The following NCKAP5 variants were observed in gnomAD, a reference collection of about 807,000 sequenced individuals.
The protein encoded by NCKAP5 is NCK associated protein 5, also known as nck-associated protein 5.
A neutral mutation model predicts 167.0 loss-of-function variants in NCKAP5; 92 were observed. That is an observed-to-expected ratio of 0.55 (90% CI 0.47 to 0.66). NCKAP5 has a LOEUF of 0.66. NCKAP5 is among the 30% of genes least tolerant of loss of function. NCKAP5 has a pLI of 0.00. For synonymous variants in NCKAP5, 891 were observed against 877.4 expected, an observed-to-expected ratio of 1.02 and a Z score of -0.27; for missense variants, 2,378 against 2,315.0, an observed-to-expected ratio of 1.03 and a Z score of -0.56.
At position 133,370,698 on chromosome 2, in the gene NCKAP5, A is replaced by G. The variant is rs1685746856; in HGVS notation, c.70-67588T>C. On this transcript the variant is annotated intron_variant, in intron 3 of 19. Coordinates refer to ENST00000409261, the MANE Select transcript of NCKAP5 (RefSeq NM_207363.3). ...GAAGTCAATTTAAAAAGTTTGGCTA[A>G]CGTATTTTTTTTTTTTTTGCATTTT... 5.3e-5 allele frequency among the ~76,000 whole-genome samples: 8 copies of G among 149,986 alleles called. No homozygotes were observed. The South Asian group carries it at 1.7e-3, about 31-fold the overall frequency.
chr2:133,087,151 C>T (rs2081021068), intron 6 of NCKAP5, among the ~76,000 whole-genome samples: 1 of 152,108 alleles, frequency 6.6e-6, no homozygotes, highest in Non-Finnish European at 1.5e-5. Flanking sequence ...TACCAAGTTC[C>T]ATTTGGTTTT....
chr2:133,299,016 T>G (rs1277977151), intron 4 of NCKAP5, among the ~76,000 whole-genome samples: 2 of 151,672 alleles, frequency 1.3e-5, no homozygotes, highest in Admixed American at 1.3e-4. Context: ...ACCCTAGAAC[T>G]TAAAGTATAA....
At chr2:133,327,184 G>C (rs1682512875) in intron 3 of NCKAP5, among the ~76,000 whole-genome samples, 1 of 152,194 alleles carries the variant, frequency 6.6e-6, no homozygotes, top group Non-Finnish European at 1.5e-5. Context: ...ATCTAATTTA[G>C]AGTTCTAGGC....
Position 133,115,775 on chromosome 2 carries a change from G to GTGTATA in NCKAP5, c.341+14202_341+14203insTATACA, listed in dbSNP as rs1296649163. Among the ~76,000 whole-genome samples the GTGTATA allele has an allele frequency of 4.2e-4, 40 of 94,296 alleles. 1 individual carries two copies. The highest frequency in any genetic ancestry group is 2.0e-3 in the East Asian group (7 of 3,452). 61.9% of individuals were successfully genotyped at this position (94,296 alleles called of 152,430 possible). The stretch of plus-strand genomic sequence containing the variant: ...TAAATTGAAGTATATATGTGTGTGT[G>GTGTATA]TATATATATATATATATATATATAT... On this transcript the variant is annotated intron_variant, in intron 6 of 19. Coordinates refer to ENST00000409261, the MANE Select transcript of NCKAP5 (RefSeq NM_207363.3).
At position 133,095,716 on chromosome 2, in the gene NCKAP5, C is replaced by T. The variant is rs567629021; in HGVS notation, c.341+34262G>A. 2.4e-4 allele frequency among the ~76,000 whole-genome samples: 36 copies of T among 152,288 alleles called. No individual in the cohort carries two copies. The Middle Eastern group carries it at 0.014, about 58-fold the overall frequency. On this transcript the variant is annotated intron_variant, in intron 6 of 19. Coordinates refer to ENST00000409261, the MANE Select transcript of NCKAP5 (RefSeq NM_207363.3). ...ATTTTGAGATGGTTAGTATAACTCTCTATGTGCTCAATAGAGACATAATAG... is the reference window on the plus strand; with the variant it reads ...ATTTTGAGATGGTTAGTATAACTCTTTATGTGCTCAATAGAGACATAATAG...
chr2:133,667,545 G>T, the NCKAP5 span, among the ~76,000 whole-genome samples: 1 of 151,912 alleles, frequency 6.6e-6, no homozygotes, highest in African/African-American at 2.4e-5. Flanking sequence ...TAAAGCCCTT[G>T]CTGACTTTCT....
chr2:132,904,753 T>A (rs986487370), intron 8 of NCKAP5, among the ~76,000 whole-genome samples: 2 of 152,208 alleles, frequency 1.3e-5, no homozygotes, highest in African/African-American at 4.8e-5. Flanking sequence ...AGGCTAAAAT[T>A]TTCCCTTGTG....
chr2:133,572,947 C>G (rs1688919979), upstream of NCKAP5, among the ~76,000 whole-genome samples: 1 of 152,176 alleles, frequency 6.6e-6, no homozygotes, highest in South Asian at 2.1e-4. Flanking sequence ...TACAATCAGA[C>G]ATTGATAAAG....
chr2:133,003,203 G>A (rs1262102199), intron 6 of NCKAP5, among the ~76,000 whole-genome samples: 5 of 152,116 alleles, frequency 3.3e-5, no homozygotes. Flanking sequence ...GGGAGAGAGA[G>A]GATAGGACAA....
intron 15 of NCKAP5, among the ~76,000 whole-genome samples, chr2:132,778,284 T>G (rs7609227): frequency 0.099 from 15,042 of 152,044 alleles, 1,666 homozygotes; most frequent in African/African-American, 0.26. Flanking sequence ...AATGGGGATA[T>G]AAGCTTCTAA....
chr2:133,500,165 A>T (rs560421967), intron 3 of NCKAP5, among the ~76,000 whole-genome samples: 3 of 152,288 alleles, frequency 2.0e-5, no homozygotes, highest in Admixed American at 6.5e-5. Context: ...ATTACAAGTG[A>T]TCTATTTGTT....
Position 132,707,729 on chromosome 2 carries a change from C to CATGA in NCKAP5, c.5713+17894_5713+17897dup, listed in dbSNP as rs566178595. Among the ~76,000 whole-genome samples the CATGA allele has an allele frequency of 6.8e-4, 103 of 152,276 alleles. No individual in the cohort carries two copies. In the South Asian group the frequency reaches 0.013, roughly 19 times the overall value. ...CGTGGCAGTGTTCTACAATAGTGAACATGAGGGTGAGCCCAGAAGATCCTA... is the reference window on the plus strand; with the variant it reads ...CGTGGCAGTGTTCTACAATAGTGAACATGAATGAGGGTGAGCCCAGAAGATCCTA... On this transcript the variant is annotated intron_variant, in intron 19 of 19. Coordinates refer to ENST00000409261, the MANE Select transcript of NCKAP5 (RefSeq NM_207363.3).
chr2:133,151,360 A>G (rs200566723), intron 5 of NCKAP5, among the ~76,000 whole-genome samples: 3 of 152,296 alleles, frequency 2.0e-5, no homozygotes, highest in East Asian at 3.9e-4. Flanking sequence ...GAATGAAAAG[A>G]CAAGCCACAG....
intron 11 of NCKAP5, among the ~76,000 whole-genome samples, chr2:132,859,254 T>A (rs955296188): frequency 6.6e-6 from 1 of 152,294 alleles, no homozygotes; most frequent in African/African-American, 2.4e-5. Flanking sequence ...GGGGGCAAAT[T>A]ACATTTTGAT....
chr2:132,761,908 T>C (rs896383097), intron 16 of NCKAP5, among the ~76,000 whole-genome samples: 2 of 152,220 alleles, frequency 1.3e-5, no homozygotes, highest in Non-Finnish European at 2.9e-5. Context: ...GGAGCTTTTT[T>C]TGAGTTTGTA....
At chr2:133,472,586 C>T (rs1402776193) in intron 3 of NCKAP5, among the ~76,000 whole-genome samples, 1 of 152,098 alleles carries the variant, frequency 6.6e-6, no homozygotes, top group Non-Finnish European at 1.5e-5. Flanking sequence ...TTAGTAAGCT[C>T]ATCTACTATC....
At chr2:132,922,342 G>T (rs1057148021) in intron 8 of NCKAP5, among the ~76,000 whole-genome samples, 1 of 152,286 alleles carries the variant, frequency 6.6e-6, no homozygotes, top group Admixed American at 6.5e-5. Context: ...TGGAGAAGAA[G>T]CTAGAAAAGT....
chr2:132,681,258 A>G (rs1685185327), intron 19 of NCKAP5, among the ~76,000 whole-genome samples: 1 of 152,180 alleles, frequency 6.6e-6, no homozygotes, highest in Non-Finnish European at 1.5e-5. Context: ...GAGTTAGGGC[A>G]TCAAGATTTT....
At chr2:133,203,560 G>T (rs992586673) in intron 5 of NCKAP5, among the ~76,000 whole-genome samples, 1 of 151,856 alleles carries the variant, frequency 6.6e-6, no homozygotes, top group African/African-American at 2.4e-5. Context: ...AAAGAAAGTT[G>T]TCTTCTAAAA....
Sources: allele counts gnomAD v4.1 joint callset (sites outside exome capture counted in the v4.1 genomes callset), GRCh38; gene constraint gnomAD v4.1.1; transcripts MANE v1.5; gene names NCBI Gene and HGNC (gene_info 2026-07-23, HGNC 2026-07-21).